PTPRK: variants seen among roughly 807,000 people sequenced by gnomAD.
PTPRK encodes protein tyrosine phosphatase receptor type K.
Under a neutral mutation model 178.0 loss-of-function variants are expected in PTPRK, and 75 were observed. The observed-to-expected ratio is 0.42, with a 90% confidence interval of 0.35 to 0.51. The LOEUF (loss-of-function observed/expected upper bound fraction) is 0.51, where lower values mean the gene tolerates loss of function less well. Ranked by LOEUF, PTPRK falls within the 20% of genes least tolerant of loss-of-function variation. The pLI is 0.02. For synonymous variants in PTPRK, 637 were observed against 620.6 expected (o/e 1.03, Z -0.39); for missense variants, 1,441 against 1,797.8 (o/e 0.80, Z 3.59).
chr6:128,297,397 T>A (rs1824662580), intron 3 of PTPRK, among the ~76,000 whole-genome samples: 1 of 152,142 alleles, frequency 6.6e-6, no homozygotes, highest in Non-Finnish European at 1.5e-5. Flanking sequence ...TACAGATCTC[T>A]CCACCCCAAA....
intron 11 of PTPRK, among the ~76,000 whole-genome samples, chr6:128,068,411 C>T (rs574245700): frequency 1.3e-4 from 20 of 152,246 alleles, no homozygotes; most frequent in Admixed American, 2.0e-4. Context: ...CGAAATAGAC[C>T]GCCTCCTTCT....
At chr6:128,290,091 C>A (rs746296391) in intron 3 of PTPRK, among the ~76,000 whole-genome samples, 11 of 152,042 alleles carry the variant, frequency 7.2e-5, no homozygotes, top group South Asian at 2.1e-4. Context: ...GGGAAACAAC[C>A]AAAATCTCCC....
chr6:128,124,796 G>A (rs1793067277), intron 7 of PTPRK, among the ~76,000 whole-genome samples: 1 of 152,058 alleles, frequency 6.6e-6, no homozygotes, highest in South Asian at 2.1e-4. Context: ...CCTCCGGGAG[G>A]AAAAAAGAAA....
At chr6:128,229,038 T>C (rs898970708) in intron 5 of PTPRK, among the ~76,000 whole-genome samples, 1 of 152,140 alleles carries the variant, frequency 6.6e-6, no homozygotes, top group African/African-American at 2.4e-5. Context: ...GGAATACTAT[T>C]CCCATGAGCA....
intron 7 of PTPRK, among the ~76,000 whole-genome samples, chr6:128,105,594 A>G (rs1789591102): frequency 6.6e-6 from 1 of 152,202 alleles, no homozygotes; most frequent in Non-Finnish European, 1.5e-5. Context: ...AAATTACTGA[A>G]ATCAATGGAT....
chr6:128,463,625 A>T (rs1208557082), intron 1 of PTPRK, among the ~76,000 whole-genome samples: 1 of 152,124 alleles, frequency 6.6e-6, no homozygotes, highest in Non-Finnish European at 1.5e-5. Context: ...ACCTTTCCAG[A>T]TAACAACATA....
At chr6:128,312,980 T>C (rs985940572) in intron 3 of PTPRK, among the ~76,000 whole-genome samples, 3 of 152,164 alleles carry the variant, frequency 2.0e-5, no homozygotes, top group Admixed American at 2.0e-4. Flanking sequence ...ATAAGTCCCC[T>C]GAGAAAGTGT....
intron 7 of PTPRK, among the ~76,000 whole-genome samples, chr6:128,100,384 G>T (rs903008880): frequency 1.3e-5 from 2 of 151,874 alleles, no homozygotes; most frequent in East Asian, 3.9e-4. Flanking sequence ...ATAACTTAGG[G>T]ACTATTAAAA....
chr6:128,427,730 GCCCTC>G (rs2128391362), intron 1 of PTPRK, among the ~76,000 whole-genome samples: 1 of 152,266 alleles, frequency 6.6e-6, no homozygotes, highest in South Asian at 2.1e-4. Context: ...TTCTCCTGAA[GCCCTC>G]CCTCCACATA....
chr6:128,073,465 G>A (rs371366462), intron 11 of PTPRK, among the ~76,000 whole-genome samples: 1 of 151,946 alleles, frequency 6.6e-6, no homozygotes. Context: ...AGTATCCGTT[G>A]GGCAGAAATC....
At chr6:128,417,816 T>A (rs1415661581) in intron 1 of PTPRK, among the ~76,000 whole-genome samples, 2 of 152,172 alleles carry the variant, frequency 1.3e-5, no homozygotes, top group Non-Finnish European at 2.9e-5. Context: ...CCACAGGGAA[T>A]CTTACGTGGT....
At chr6:128,152,664 C>T (rs918659385) in intron 7 of PTPRK, among the ~76,000 whole-genome samples, 3 of 151,644 alleles carry the variant, frequency 2.0e-5, no homozygotes, top group African/African-American at 7.3e-5. Flanking sequence ...AACAGAAAAA[C>T]AAGGAAATGG....
intron 1 of PTPRK, among the ~76,000 whole-genome samples, chr6:128,454,858 T>C (rs1342309722): frequency 6.6e-6 from 1 of 152,140 alleles, no homozygotes; most frequent in Non-Finnish European, 1.5e-5. Context: ...ATTAACTTGA[T>C]ATAGAATTAT....
At chr6:128,000,342 A>C (rs111325341) in intron 15 of PTPRK, 53 of 1,080,720 alleles carry the variant, frequency 4.9e-5, no homozygotes, top group Non-Finnish European at 6.0e-5. Flanking sequence ...TGGAGAAGGG[A>C]AAAAAAAAAG....
intron 12 of PTPRK, among the ~76,000 whole-genome samples, chr6:128,066,361 C>T (rs1225541543): frequency 6.6e-6 from 1 of 152,174 alleles, no homozygotes; most frequent in Non-Finnish European, 1.5e-5. Context: ...TTAGAAGATG[C>T]TGTGGCCTTT....
In PTPRK at chr6:128,520,469, G is replaced by A; in HGVS notation, c.-111C>T. ...GCCTCGCGGGGTGAGGACGGTGAGA[G>A]GACAGCCGCCCGCCCGCCCTTTTTC... is the stretch of plus-strand genomic sequence containing the variant. On this transcript the variant is annotated 5_prime_UTR_variant, in exon 1 of 30. Coordinates refer to ENST00000368226, the MANE Select transcript of PTPRK (RefSeq NM_002844.4). 1 of 988,744 alleles carries A rather than the reference G, an allele frequency of 1.0e-6. No homozygotes were observed. The highest frequency in any genetic ancestry group is 1.5e-6 in the Non-Finnish European group (1 of 652,458). The allele number at this position is 988,744 out of a possible 1,614,324, so 61.2% of individuals were successfully genotyped here.
At chr6:128,177,809 C>G (rs563323391) in intron 7 of PTPRK, among the ~76,000 whole-genome samples, 23 of 151,824 alleles carry the variant, frequency 1.5e-4, no homozygotes, top group African/African-American at 5.5e-4. Context: ...TGTTGATTAC[C>G]TTATAAGTCA....
At chr6:128,324,447 ATCTG>A (rs972411132) in intron 2 of PTPRK, among the ~76,000 whole-genome samples, 2 of 152,140 alleles carry the variant, frequency 1.3e-5, no homozygotes, top group Admixed American at 1.3e-4. Flanking sequence ...TACAATAATT[ATCTG>A]TCTTATTAGG....
chr6:128,221,975 G>A (rs954022525), intron 5 of PTPRK, among the ~76,000 whole-genome samples: 1 of 151,674 alleles, frequency 6.6e-6, no homozygotes, highest in Non-Finnish European at 1.5e-5. Flanking sequence ...GGCCCACCAC[G>A]CTGCTTACTT....
Sources: gnomAD v4.1 joint callset for allele counts (sites outside exome capture counted in the v4.1 genomes callset) on GRCh38, gnomAD v4.1.1 for gene constraint, MANE v1.5 for transcripts, NCBI Gene and HGNC (gene_info 2026-07-23, HGNC 2026-07-21) for gene names.